LRRC37A2: variants seen among roughly 807,000 people sequenced by gnomAD.
LRRC37A2 encodes the protein leucine rich repeat containing 37 member A2.
LRRC37A2 carries 9 observed loss-of-function variants against 68.8 expected under a neutral mutation model. The observed-to-expected ratio is 0.13, with a 90% CI of 0.08 to 0.23. The LOEUF is 0.23. Ranked by LOEUF, LRRC37A2 falls within the 10% of genes least tolerant of loss-of-function variation. The pLI is 1.00. For synonymous variants in LRRC37A2, 63 were observed against 367.6 expected, an observed-to-expected ratio of 0.17 and a Z score of 9.48; for missense variants, 168 against 950.4, an observed-to-expected ratio of 0.18 and a Z score of 10.82.
At chr17:46,740,894 G>A in the LRRC37A2 span, among the ~76,000 whole-genome samples, 9 of 151,954 alleles carry the variant, frequency 5.9e-5, no homozygotes, top group East Asian at 1.2e-3. Flanking sequence ...AATCCTGACC[G>A]TTGGTGATCT....
the LRRC37A2 span, chr17:46,769,641 G>A: frequency 1.8e-6 from 2 of 1,093,516 alleles, no homozygotes; most frequent in East Asian, 5.1e-5. Flanking sequence ...GTGGGGTGGG[G>A]AGGAGGCCAA....
chr17:46,932,192 C>A, the LRRC37A2 span: 3 of 1,614,094 alleles, frequency 1.9e-6, no homozygotes, highest in Non-Finnish European at 2.5e-6. Flanking sequence ...CGAACCTTCA[C>A]CACTAACGTA....
At chr17:46,761,224 A>G in the LRRC37A2 span, among the ~76,000 whole-genome samples, 1 of 152,250 alleles carries the variant, frequency 6.6e-6, no homozygotes, top group East Asian at 1.9e-4. Flanking sequence ...GAGTGCATCA[A>G]CTTCTGGTGG....
At chr17:46,979,718 C>T in the LRRC37A2 span, among the ~76,000 whole-genome samples, 1 of 152,094 alleles carries the variant, frequency 6.6e-6, no homozygotes, top group African/African-American at 2.4e-5. Context: ...GGCTCTCTGC[C>T]TCCTTCCCTA....
At chr17:46,936,609 G>C in the LRRC37A2 span, 1 of 985,472 alleles carries the variant, frequency 1.0e-6, no homozygotes, top group African/African-American at 1.7e-5. Flanking sequence ...GAAGCACTCT[G>C]ATGACTGGGG....
the LRRC37A2 span, among the ~76,000 whole-genome samples, chr17:46,890,588 A>G: frequency 6.6e-6 from 1 of 152,190 alleles, no homozygotes; most frequent in Non-Finnish European, 1.5e-5. Flanking sequence ...AAATTTTGCA[A>G]CTGAGAGACT....
the LRRC37A2 span, among the ~76,000 whole-genome samples, chr17:46,861,691 T>C: frequency 6.6e-6 from 1 of 152,164 alleles, no homozygotes; most frequent in African/African-American, 2.4e-5. Context: ...ATTGGAGAGA[T>C]GAAGGCTGAA....
At chr17:46,992,769 T>C in the LRRC37A2 span, among the ~76,000 whole-genome samples, 105,018 of 149,674 alleles carry the variant, frequency 0.7, 37,375 homozygotes, top group Middle Eastern at 0.78. Flanking sequence ...AGGAGAATCG[T>C]TTGAACCTGG....
the LRRC37A2 span, among the ~76,000 whole-genome samples, chr17:46,944,601 T>G: frequency 7.3e-6 from 1 of 136,194 alleles, no homozygotes; most frequent in Admixed American, 7.5e-5. Flanking sequence ...CTTCAGAATT[T>G]TTAATTTTCT....
chr17:46,966,515 T>G, the LRRC37A2 span: 2 of 687,872 alleles, frequency 2.9e-6, no homozygotes, highest in Non-Finnish European at 5.3e-6. Flanking sequence ...ACCCGATTAA[T>G]TTTTTGTATT....
At chr17:46,982,395 C>G in the LRRC37A2 span, among the ~76,000 whole-genome samples, 1 of 152,172 alleles carries the variant, frequency 6.6e-6, no homozygotes, top group Admixed American at 6.5e-5. Context: ...GGGGCCCTGC[C>G]CACTCCAGCG....
chr17:46,811,590 C>T, the LRRC37A2 span, among the ~76,000 whole-genome samples: 1 of 152,106 alleles, frequency 6.6e-6, no homozygotes, highest in Non-Finnish European at 1.5e-5. Context: ...AGCAAACCTG[C>T]AGGCAGGCCC....
chr17:46,719,389 A>G, the LRRC37A2 span, among the ~76,000 whole-genome samples: 156 of 152,316 alleles, frequency 1.0e-3, 2 homozygotes, highest in Middle Eastern at 0.024. The surrounding 1 kb of genome is among the most constrained non-coding windows in gnomAD (Gnocchi z 4.3). Context: ...TATTATAATT[A>G]TACTATTGCC....
the LRRC37A2 span, among the ~76,000 whole-genome samples, chr17:47,030,927 T>C: frequency 5.3e-5 from 8 of 152,068 alleles, no homozygotes; most frequent in Non-Finnish European, 1.2e-4. Context: ...ATGAATTGAA[T>C]AGAGCCTAAC....
At chr17:46,499,500 A>T in the LRRC37A2 span, among the ~76,000 whole-genome samples, 1 of 146,328 alleles carries the variant, frequency 6.8e-6, no homozygotes, top group Non-Finnish European at 1.5e-5. Flanking sequence ...CTCTGCCCTC[A>T]GCAGGTAGTT....
chr17:46,562,251 A>AG, the LRRC37A2 span, among the ~76,000 whole-genome samples: 3 of 32,252 alleles, frequency 9.3e-5, no homozygotes, highest in Non-Finnish European at 5.4e-4. Flanking sequence ...AAAAAAAAAA[A>AG]TTTTAAAGTC....
chr17:46,937,095 G>T, the LRRC37A2 span: 1 of 152,346 alleles, frequency 6.6e-6, no homozygotes, highest in Non-Finnish European at 1.5e-5. Context: ...CTAAGAAATT[G>T]AATGTGCTTT....
the LRRC37A2 span, among the ~76,000 whole-genome samples, chr17:46,840,012 T>TCTTCTTTCTTTCTTTTTTC: frequency 1.0e-5 from 1 of 96,674 alleles, no homozygotes; most frequent in African/African-American, 4.3e-5. Context: ...TCTTTCTTTC[T>TCTTCTTTCTTTCTTTTTTC]TTCTTTCTTT....
chr17:46,844,441 A>G, the LRRC37A2 span, among the ~76,000 whole-genome samples: 1 of 152,072 alleles, frequency 6.6e-6, no homozygotes, highest in Admixed American at 6.6e-5. Context: ...AGTTCAGGAA[A>G]ACGTGCTATG....
Sources: gnomAD v4.1 joint callset for allele counts (sites outside exome capture counted in the v4.1 genomes callset) on GRCh38, gnomAD v4.1.1 for gene constraint, Gnocchi (gnomAD v3.1) non-coding constraint, MANE v1.5 for transcripts, NCBI Gene and HGNC (gene_info 2026-07-23, HGNC 2026-07-21) for gene names.